YEATS4: variants seen among roughly 807,000 people sequenced by gnomAD.
YEATS4 encodes the protein YEATS domain-containing protein 4.
YEATS4 carries 17 observed loss-of-function variants against 30.1 expected under a neutral mutation model. The observed-to-expected ratio is 0.56, with a 90% CI of 0.39 to 0.85. The LOEUF (loss-of-function observed/expected upper bound fraction) is 0.85. Among genes scored for constraint, YEATS4 ranks in the 40% least tolerant of loss-of-function variants. The pLI is 0.00. For missense variants in YEATS4, 142 were observed against 268.3 expected, an observed-to-expected ratio of 0.53 and a Z score of 3.29; for synonymous variants, 85 against 87.5, an observed-to-expected ratio of 0.97 and a Z score of 0.16.
chr12:69,408,724 G>A, the YEATS4 span, among the ~76,000 whole-genome samples: 1 of 152,178 alleles, frequency 6.6e-6, no homozygotes, highest in Non-Finnish European at 1.5e-5. Flanking sequence ...GCAGCTCATC[G>A]CTCCAGCCTG....
At chr12:69,399,141 C>G in the YEATS4 span, among the ~76,000 whole-genome samples, 1 of 151,550 alleles carries the variant, frequency 6.6e-6, no homozygotes, top group Non-Finnish European at 1.5e-5. Flanking sequence ...AGTGAGACTC[C>G]GTCCCCCCCA....
chr12:69,400,813 C>T, the YEATS4 span: 1 of 152,056 alleles, frequency 6.6e-6, no homozygotes, highest in East Asian at 1.9e-4. Flanking sequence ...TATTCAGCCA[C>T]AGAGAGTGAA....
chr12:69,417,856 GAAA>G, the YEATS4 span, among the ~76,000 whole-genome samples: 84 of 101,958 alleles, frequency 8.2e-4, no homozygotes, highest in South Asian at 9.7e-4. Flanking sequence ...TTACAATAGG[GAAA>G]AAAAAAAAAA....
At chr12:69,408,475 C>T in the YEATS4 span, among the ~76,000 whole-genome samples, 35 of 152,224 alleles carry the variant, frequency 2.3e-4, 1 homozygote, top group East Asian at 4.8e-3. Context: ...AAAGGATGTG[C>T]GCATGTGCGT....
At chr12:69,405,158 G>A in the YEATS4 span, among the ~76,000 whole-genome samples, 1 of 152,130 alleles carries the variant, frequency 6.6e-6, no homozygotes, top group Admixed American at 6.6e-5. Context: ...CTAAACTTTT[G>A]TAATTGATTC....
the YEATS4 span, among the ~76,000 whole-genome samples, chr12:69,409,633 T>C: frequency 3.3e-5 from 5 of 151,480 alleles, no homozygotes; most frequent in Non-Finnish European, 5.9e-5. Context: ...AAAAAAGATA[T>C]ATATATATAT....
At chr12:69,389,914 A>C (rs1406567241) in intron 6 of YEATS4, among the ~76,000 whole-genome samples, 1 of 152,054 alleles carries the variant, frequency 6.6e-6, no homozygotes. Flanking sequence ...TTTAACTGTG[A>C]GTTGGTGACC....
chr12:69,389,042 A>C (rs990090729), intron 6 of YEATS4, among the ~76,000 whole-genome samples: 2 of 152,246 alleles, frequency 1.3e-5, no homozygotes, highest in Non-Finnish European at 1.5e-5. Context: ...TAGGTGAAAT[A>C]GCTTACAGTG....
At chr12:69,389,552 C>T (rs1454395380) in intron 6 of YEATS4, among the ~76,000 whole-genome samples, 1 of 128,942 alleles carries the variant, frequency 7.8e-6, no homozygotes, top group Non-Finnish European at 1.6e-5. Context: ...CTCACTCTGT[C>T]GACCAGGCTG....
the YEATS4 span, among the ~76,000 whole-genome samples, chr12:69,425,013 G>A: frequency 6.6e-6 from 1 of 152,150 alleles, no homozygotes; most frequent in African/African-American, 2.4e-5. Context: ...TCCGCCTCCT[G>A]GGTTCAAGCA....
At chr12:69,365,171 C>G (rs1875379333) in intron 2 of YEATS4, among the ~76,000 whole-genome samples, 2 of 151,722 alleles carry the variant, frequency 1.3e-5, no homozygotes, top group South Asian at 4.1e-4. Flanking sequence ...CAAAATAGGC[C>G]AGGTGCGGTG....
intron 6 of YEATS4, among the ~76,000 whole-genome samples, chr12:69,382,225 C>T (rs1031228743): frequency 3.3e-5 from 5 of 152,196 alleles, no homozygotes; most frequent in Non-Finnish European, 7.3e-5. Context: ...ATCTCCAAGC[C>T]AAATAACAGA....
At chr12:69,386,372 C>T (rs918971019) in intron 6 of YEATS4, among the ~76,000 whole-genome samples, 1 of 152,210 alleles carries the variant, frequency 6.6e-6, no homozygotes, top group African/African-American at 2.4e-5. Flanking sequence ...CTATACAGGA[C>T]TCCTTGTCTT....
At chr12:69,366,184 ATAAGT>A (rs1193919033) in intron 4 of YEATS4, among the ~76,000 whole-genome samples, 1 of 152,192 alleles carries the variant, frequency 6.6e-6, no homozygotes, top group Non-Finnish European at 1.5e-5. Flanking sequence ...TTAGTAATAA[ATAAGT>A]TGAGCCCATA....
At chr12:69,408,487 C>CGT in the YEATS4 span, among the ~76,000 whole-genome samples, 3 of 151,974 alleles carry the variant, frequency 2.0e-5, no homozygotes, top group South Asian at 6.2e-4. Flanking sequence ...CATGTGCGTG[C>CGT]GTGTGTGTGT....
At chr12:69,414,387 G>A in the YEATS4 span, among the ~76,000 whole-genome samples, 11 of 152,184 alleles carry the variant, frequency 7.2e-5, no homozygotes, top group South Asian at 2.1e-4. Flanking sequence ...ATGCTACCGC[G>A]ACTGGCTAAT....
intron 6 of YEATS4, among the ~76,000 whole-genome samples, chr12:69,377,991 C>G (rs1447829706): frequency 6.6e-6 from 1 of 152,134 alleles, no homozygotes; most frequent in Non-Finnish European, 1.5e-5. Flanking sequence ...CTCTTAAACT[C>G]TAATAATATT....
chr12:69,398,322 C>CA, the YEATS4 span, among the ~76,000 whole-genome samples: 34 of 151,840 alleles, frequency 2.2e-4, no homozygotes, highest in African/African-American at 7.7e-4. Context: ...CACACACACA[C>CA]AAAAAAACTA....
Position 69,376,748 on chromosome 12 carries a change from A to G in YEATS4, c.514+5773A>G, listed in dbSNP as rs557212391. On this transcript the variant is annotated intron_variant, in intron 6 of 6. Transcript: ENST00000247843. ...TGAGTTTGGAAGTATTATTTTCTCAATTTTTTGGAATAGTTTGAGTAGGGT... is the reference window on the plus strand; with the variant it reads ...TGAGTTTGGAAGTATTATTTTCTCAGTTTTTTGGAATAGTTTGAGTAGGGT... 2.6e-5 allele frequency among the ~76,000 whole-genome samples: 4 copies of G among 152,184 alleles called. No homozygotes were observed. In the South Asian group the frequency reaches 8.3e-4, roughly 32 times the overall value.
Sources: gnomAD v4.1 joint callset for allele counts (sites outside exome capture counted in the v4.1 genomes callset) on GRCh38, gnomAD v4.1.1 for gene constraint, MANE v1.5 for transcripts, NCBI Gene and HGNC (gene_info 2026-07-23, HGNC 2026-07-21) for gene names.